GCC2: variants seen among roughly 807,000 people sequenced by gnomAD.
The protein encoded by GCC2 is GRIP and coiled-coil domain containing 2.
GCC2 carries 120 observed loss-of-function variants against 210.6 expected under a neutral mutation model. That is an observed-to-expected ratio of 0.57 (90% CI 0.49 to 0.66). The LOEUF (loss-of-function observed/expected upper bound fraction) is 0.66, where lower values mean the gene tolerates loss of function less well. Ranked by LOEUF, GCC2 falls within the 30% of genes least tolerant of loss-of-function variation. GCC2 has a pLI of 0.00. For synonymous variants in GCC2, 703 were observed against 652.7 expected, an observed-to-expected ratio of 1.08 and a Z score of -1.17; for missense variants, 1,868 against 1,871.9, an observed-to-expected ratio of 1.00 and a Z score of 0.04.
In GCC2 at chr2:108,484,331, CTT is replaced by C; in HGVS notation, c.3613+22_3613+23del. ...AAATAAGTGAGTTAAAGAAAATTCACTTTACTTTTTAATTATTTCATCATAAC... is the reference window on the plus strand; with the variant it reads ...AAATAAGTGAGTTAAAGAAAATTCACTACTTTTTAATTATTTCATCATAAC... On this transcript the variant is annotated intron_variant, in intron 13 of 22. Transcript: ENST00000309863. The C allele has an allele frequency of 7.4e-7, 1 of 1,356,778 alleles. No homozygotes were observed. Among genetic ancestry groups the C allele is most frequent in the Non-Finnish European group, 1.0e-6 (1 of 994,726 alleles). The allele number at this position is 1,356,778 out of a possible 1,614,324, so 84.0% of individuals were successfully genotyped here.
rs1335211316 is a variant in GCC2, at chr2:108,497,210, A to G, written c.4782+101A>G. On this transcript the variant is annotated intron_variant, in intron 21 of 22. Transcript: ENST00000309863. ...CAGCTCACTGCAAGCTCCACCTCCC[A>G]GGTTCACGCCATTCTCCTGCCTCAG... 68 of 1,584,892 alleles carry G rather than the reference A, an allele frequency of 4.3e-5. No individual in the cohort carries two copies. In the South Asian group the frequency reaches 7.4e-4, roughly 17 times the overall value.
At chr2:108,485,931 T>C in intron 15 of GCC2, 23 bp downstream of exon 15, 1 of 1,337,330 alleles carries the variant, frequency 7.5e-7, no homozygotes, top group Non-Finnish European at 1.0e-6. Flanking sequence ...CTTTTTAAGA[T>C]TAAAAAAATG....
chr2:108,485,925 T>A lies in GCC2; in HGVS notation c.3792+17T>A. On this transcript the variant is annotated intron_variant, in intron 15 of 22. Transcript: ENST00000309863. ...GTCTATAAAGTAAGGGTTTTACTTT[T>A]TAAGATTAAAAAAATGTTTTTTCAT... The A allele has an allele frequency of 7.2e-7, 1 of 1,392,556 alleles. No individual in the cohort carries two copies. The highest frequency in any genetic ancestry group is 9.9e-7 in the Non-Finnish European group (1 of 1,011,470). 86.3% of individuals were successfully genotyped at this position (1,392,556 alleles called of 1,614,324 possible).
In GCC2 at chr2:108,495,299, T is replaced by G. The variant is rs531054649; in HGVS notation, c.4456T>G (p.Ser1486Ala). ...KNEPTTRSPV[S>A]SQQSLKNLRE... is the part of the protein sequence containing the mutation. ...TTAAAAAAATCTAATAGGCCCAGTT[T>G]CCTCTCAACAATCTTTGAAGAACCT... is the stretch of plus-strand genomic sequence containing the variant. Residue 1486 changes from serine (S) to alanine (A), a missense_variant, in exon 20 of 23, where the codon TCC becomes GCC. By Grantham distance (99) the Ser-to-Ala change is moderately conservative. This residue lies in a region of GCC2 where 1,847 missense variants were observed against 1,765.2 expected (regional missense o/e 1.05). Coordinates refer to ENST00000309863, the MANE Select transcript of GCC2 (RefSeq NM_181453.4). 2.5e-6 allele frequency: 4 copies of G among 1,575,664 alleles called. No homozygotes were observed. In the African/African-American group the frequency reaches 5.4e-5, roughly 21 times the overall value.
intron 4 of GCC2, among the ~76,000 whole-genome samples, chr2:108,458,516 A>G (rs560691887): frequency 2.0e-5 from 3 of 151,194 alleles, no homozygotes; most frequent in Admixed American, 2.0e-4. Flanking sequence ...AGGTCTTTAT[A>G]CATTTGGTAG....
At chr2:108,491,279 G>C (rs748312151) in intron 18 of GCC2, among the ~76,000 whole-genome samples, 10 of 152,034 alleles carry the variant, frequency 6.6e-5, no homozygotes, top group Non-Finnish European at 1.3e-4. Flanking sequence ...CTTTCAAATT[G>C]GTAAATTCAT....
rs755149519 is a variant in GCC2, at chr2:108,469,016, A to G, written c.253A>G (p.Lys85Glu). ...ACGTCTGGATGCTCTTCTTCTGGAA[A>G]AAGCAGAGACTGAGCAACAGTGTCT... is the stretch of plus-strand genomic sequence containing the variant. Reference protein sequence around the residue: ...TERLDALLLEKAETEQQCLSL... With the variant: ...TERLDALLLEEAETEQQCLSL... The change falls in exon 5 of 23, where the codon AAA (lysine) becomes GAA (glutamate). Residue 85 changes from lysine (K) to glutamate (E), a missense_variant. By Grantham distance (56) the Lys-to-Glu change is moderately conservative. This residue lies in a region of GCC2 where 1,847 missense variants were observed against 1,765.2 expected (regional missense o/e 1.05). Transcript: ENST00000309863. 6.2e-7 allele frequency: 1 copy of G among 1,613,070 alleles called. No individual in the cohort carries two copies. Among genetic ancestry groups the G allele is most frequent in the Non-Finnish European group, 8.5e-7 (1 of 1,179,144 alleles).
chr2:108,491,624 G>A (rs1178454947), intron 18 of GCC2, among the ~76,000 whole-genome samples: 2 of 151,886 alleles, frequency 1.3e-5, no homozygotes, highest in African/African-American at 4.8e-5. Context: ...TGTTAACAAC[G>A]TTTATCTACC....
At chr2:108,500,051 G>C (rs1289425271) in intron 22 of GCC2, among the ~76,000 whole-genome samples, 4 of 151,940 alleles carry the variant, frequency 2.6e-5, no homozygotes, top group Admixed American at 6.6e-5. Flanking sequence ...AGCTGAACGT[G>C]GTTTTGTTTT....
rs832337 is a variant in GCC2, at chr2:108,508,056, T to G, written c.*426T>G. ...ATTCATGCCTGAAATCCCACTACTT[T>G]GGGAGGCTGAGGCTGGAGAATTGCT... On this transcript the variant is annotated 3_prime_UTR_variant, in exon 23 of 23. Transcript: ENST00000309863. The G allele has an allele frequency of 4.9e-3, 646 of 130,626 alleles. 4 individuals carry two copies. The highest frequency in any genetic ancestry group is 0.014 in the Middle Eastern group (4 of 296). 8.1% of individuals were successfully genotyped at this position (130,626 alleles called of 1,614,324 possible). A position where few individuals can be genotyped will look rare whatever the true frequency, so the allele number is the denominator to read the frequency against.
chr2:108,479,971 A>C (rs1190603737), intron 9 of GCC2, among the ~76,000 whole-genome samples: 1 of 129,226 alleles, frequency 7.7e-6, no homozygotes, highest in African/African-American at 3.1e-5. Context: ...ACAGAGCGAG[A>C]CTCCATCTCA....
intron 4 of GCC2, among the ~76,000 whole-genome samples, chr2:108,456,791 A>G (rs1361729016): frequency 6.6e-6 from 1 of 152,080 alleles, no homozygotes; most frequent in African/African-American, 2.4e-5. Flanking sequence ...TTCTACAAAA[A>G]AATATAAATT....
Position 108,475,816 on chromosome 2 carries a change from TGA to T in GCC2, c.3031_3032del (p.Asp1011SerfsTer9). On this transcript the variant is annotated frameshift_variant, in exon 9 of 23. Transcript: ENST00000309863. LOFTEE classifies it high-confidence loss of function. ...GAAAAGGACCAGTTATCTGCTTCCATGAGAGATCTCATTCAAGGAGCAGAAAG... is the reference window on the plus strand; with the variant it reads ...GAAAAGGACCAGTTATCTGCTTCCATGAGATCTCATTCAAGGAGCAGAAAG... 1 of 1,599,180 alleles carries T rather than the reference TGA, an allele frequency of 6.3e-7. No homozygotes were observed. Among genetic ancestry groups the T allele is most frequent in the Non-Finnish European group, 8.5e-7 (1 of 1,171,820 alleles).
At chr2:108,505,281 G>T (rs1452701395) in intron 22 of GCC2, among the ~76,000 whole-genome samples, 1 of 152,200 alleles carries the variant, frequency 6.6e-6, no homozygotes, top group East Asian at 1.9e-4. Flanking sequence ...TTGGGAACAA[G>T]GTTACCTCAC....
At chr2:108,505,510 T>C (rs1428259249) in intron 22 of GCC2, among the ~76,000 whole-genome samples, 1 of 152,260 alleles carries the variant, frequency 6.6e-6, no homozygotes, top group African/African-American at 2.4e-5. Context: ...GCAAAAATGA[T>C]AGATTACAAG....
chr2:108,466,910 T>C (rs572734322), intron 4 of GCC2, among the ~76,000 whole-genome samples: 1 of 152,350 alleles, frequency 6.6e-6, no homozygotes, highest in South Asian at 2.1e-4. Flanking sequence ...TGAATAGCCT[T>C]TCTCCATTAA....
At chr2:108,486,486 G>T in intron 15 of GCC2, 25 bp from the exon 16 acceptor site, 1 of 1,613,142 alleles carries the variant, frequency 6.2e-7, no homozygotes. Flanking sequence ...ATTTGCTAAA[G>T]CTAAATTTAA....
At chr2:108,495,157 T>C in intron 19 of GCC2, 134 bp from the exon 20 acceptor site, 1 of 553,994 alleles carries the variant, frequency 1.8e-6, no homozygotes, top group Non-Finnish European at 3.2e-6. Context: ...TTCATACACC[T>C]TTCACTTATC....
intron 8 of GCC2, 48 bp from the exon 9 acceptor site, chr2:108,475,704 A>T: frequency 2.0e-6 from 3 of 1,482,054 alleles, no homozygotes; most frequent in Non-Finnish European, 2.8e-6. Context: ...TTTTCTATCC[A>T]TTAAAAAAAA....
Sources: allele counts gnomAD v4.1 joint callset (sites outside exome capture counted in the v4.1 genomes callset), GRCh38; gene constraint gnomAD v4.1.1; regional missense constraint gnomAD v4.1.1; transcripts MANE v1.5; gene names NCBI Gene and HGNC (gene_info 2026-07-23, HGNC 2026-07-21).